SLC36A1: variants seen among roughly 807,000 people sequenced by gnomAD.
SLC36A1 encodes the protein proton-coupled amino acid transporter 1.
SLC36A1 carries 30 observed loss-of-function variants against 47.5 expected under a neutral mutation model. The ratio of observed to expected loss-of-function variants is 0.63; its 90% CI spans 0.47 to 0.86. SLC36A1 has a LOEUF of 0.86. Among genes scored for constraint, SLC36A1 ranks in the 40% least tolerant of loss-of-function variants. SLC36A1 has a pLI of 0.00. For missense variants in SLC36A1, 517 were observed against 606.0 expected (o/e 0.85, Z 1.54); for synonymous variants, 255 against 249.7 (o/e 1.02, Z -0.20).
At chr5:151,545,666 T>A in the SLC36A1 span, 1 of 1,614,186 alleles carries the variant, frequency 6.2e-7, no homozygotes, top group Admixed American at 1.7e-5. Flanking sequence ...ATGGTTAGGG[T>A]TCCCATGCTG....
chr5:151,517,197 A>G, the SLC36A1 span, among the ~76,000 whole-genome samples: 1 of 152,236 alleles, frequency 6.6e-6, no homozygotes, highest in East Asian at 1.9e-4. Flanking sequence ...TCCACATGAC[A>G]TAATCCAAAT....
chr5:151,521,882 C>T, the SLC36A1 span: 64 of 1,614,144 alleles, frequency 4.0e-5, no homozygotes, highest in South Asian at 7.7e-5. Context: ...AGGGTCTCCT[C>T]TTCTGCCAGG....
chr5:151,468,265 A>T (rs1170080615), intron 7 of SLC36A1, among the ~76,000 whole-genome samples: 1 of 79,212 alleles, frequency 1.3e-5, no homozygotes, highest in African/African-American at 8.5e-5. Context: ...AAAAAAAAAA[A>T]AATATATATA....
the SLC36A1 span, among the ~76,000 whole-genome samples, chr5:151,375,453 G>C: frequency 6.6e-6 from 1 of 152,110 alleles, no homozygotes; most frequent in Non-Finnish European, 1.5e-5. Context: ...TGCTGTTTTG[G>C]TTACTATAGC....
chr5:151,476,575 A>G lies in SLC36A1; in HGVS notation c.823-15A>G. The stretch of plus-strand genomic sequence containing the variant: ...TTTTCTGCACTTTCTCTCCTCTCTC[A>G]CTACTCTCTCATAGGTTCTGCCCCT... On this transcript the variant is annotated splice_polypyrimidine_tract_variant and intron_variant, in intron 8 of 10. Coordinates refer to ENST00000243389, the MANE Select transcript of SLC36A1 (RefSeq NM_078483.4). The G allele has an allele frequency of 1.4e-6, 2 of 1,467,350 alleles. No homozygotes were observed. Among genetic ancestry groups the G allele is most frequent in the Non-Finnish European group, 1.8e-6 (2 of 1,104,774 alleles). 90.9% of individuals were successfully genotyped at this position (1,467,350 alleles called of 1,614,324 possible). A position where few individuals can be genotyped will look rare whatever the true frequency, so the allele number is the denominator to read the frequency against.
chr5:151,511,915 C>T, the SLC36A1 span: 2 of 537,134 alleles, frequency 3.7e-6, no homozygotes, highest in East Asian at 3.2e-5. Context: ...ACCCTCTGCC[C>T]CTGAGGTCCC....
chr5:151,376,929 G>A, the SLC36A1 span, among the ~76,000 whole-genome samples: 5 of 152,016 alleles, frequency 3.3e-5, no homozygotes, highest in Admixed American at 1.3e-4. Context: ...CGCCGCACCC[G>A]GCCAAAAAAA....
chr5:151,421,105 C>T, the SLC36A1 span, among the ~76,000 whole-genome samples: 3 of 151,794 alleles, frequency 2.0e-5, no homozygotes, highest in Non-Finnish European at 4.4e-5. Flanking sequence ...GATCTCCTGA[C>T]CTCGTGATCC....
At chr5:151,384,065 TG>T in the SLC36A1 span, among the ~76,000 whole-genome samples, 4 of 151,954 alleles carry the variant, frequency 2.6e-5, no homozygotes, top group African/African-American at 9.7e-5. Context: ...TGAAGGCAAA[TG>T]TCTTCATTTC....
the SLC36A1 span, among the ~76,000 whole-genome samples, chr5:151,420,712 G>A: frequency 2.2e-4 from 33 of 152,136 alleles, no homozygotes; most frequent in Admixed American, 5.2e-4. Flanking sequence ...GTCCCTATAC[G>A]TATCCTCCCC....
the SLC36A1 span, chr5:151,537,870 T>TC: frequency 1.2e-6 from 2 of 1,614,186 alleles, no homozygotes; most frequent in Non-Finnish European, 1.7e-6. Flanking sequence ...GGTATCAGTG[T>TC]CCAAGTCTGT....
downstream of SLC36A1, among the ~76,000 whole-genome samples, chr5:151,493,799 A>C (rs1008394139): frequency 6.6e-6 from 1 of 152,190 alleles, no homozygotes; most frequent in African/African-American, 2.4e-5. Flanking sequence ...CAGCCTCAAG[A>C]GGAAGGTTTG....
chr5:151,509,227 A>T, the SLC36A1 span, among the ~76,000 whole-genome samples: 2 of 152,202 alleles, frequency 1.3e-5, no homozygotes, highest in African/African-American at 4.8e-5. Context: ...CAAGGACCAG[A>T]ACTACCTGAG....
At chr5:151,364,584 T>C in the SLC36A1 span, among the ~76,000 whole-genome samples, 1 of 152,186 alleles carries the variant, frequency 6.6e-6, no homozygotes, top group African/African-American at 2.4e-5. Flanking sequence ...ATCTTAGAGT[T>C]TCAACACTCT....
chr5:151,418,443 C>A, the SLC36A1 span, among the ~76,000 whole-genome samples: 18 of 152,212 alleles, frequency 1.2e-4, no homozygotes, highest in Non-Finnish European at 2.4e-4. Context: ...CTGCCCAAGA[C>A]CATAGGAACC....
chr5:151,456,176 T>G (rs530863663), intron 1 of SLC36A1, among the ~76,000 whole-genome samples: 73 of 152,272 alleles, frequency 4.8e-4, no homozygotes, highest in African/African-American at 1.7e-3. Flanking sequence ...ATTGGCAGCT[T>G]TTTCTTTTTT....
chr5:151,495,780 G>A (rs911799150), downstream of SLC36A1, among the ~76,000 whole-genome samples: 1 of 152,046 alleles, frequency 6.6e-6, no homozygotes, highest in Non-Finnish European at 1.5e-5. Flanking sequence ...TATGCCATAT[G>A]TATCTTTTGG....
chr5:151,542,232 T>C, the SLC36A1 span: 4 of 1,511,908 alleles, frequency 2.6e-6, no homozygotes, highest in South Asian at 5.3e-5. Context: ...CACCTCTTCC[T>C]GGATGTTTTT....
chr5:151,421,307 T>A, the SLC36A1 span, among the ~76,000 whole-genome samples: 8 of 151,376 alleles, frequency 5.3e-5, no homozygotes, highest in African/African-American at 1.9e-4. Flanking sequence ...GGTGGCATGA[T>A]CTTGGCTCAC....
Sources: allele counts gnomAD v4.1 joint callset (sites outside exome capture counted in the v4.1 genomes callset), GRCh38; gene constraint gnomAD v4.1.1; transcripts MANE v1.5; gene names NCBI Gene and HGNC (gene_info 2026-07-23, HGNC 2026-07-21).